The following KDM6B variants were observed in gnomAD, a reference collection of about 807,000 sequenced individuals.
KDM6B encodes the protein lysine demethylase 6B, also known as lysine-specific demethylase 6B.
Under a neutral mutation model 150.4 loss-of-function variants are expected in KDM6B, and 22 were observed. The ratio of observed to expected loss-of-function variants is 0.15; its 90% confidence interval spans 0.10 to 0.21. KDM6B has a LOEUF of 0.21. Among genes scored for constraint, KDM6B ranks in the 10% least tolerant of loss-of-function variants. KDM6B has a pLI of 1.00. For missense variants in KDM6B, 1,984 were observed against 2,234.3 expected (o/e 0.89, Z 2.26); for synonymous variants, 1,148 against 921.1 (o/e 1.25, Z -4.46).
At chr17:7,835,324 G>A (rs1233338204) in intron 1 of KDM6B, among the ~76,000 whole-genome samples, 1 of 152,134 alleles carries the variant, frequency 6.6e-6, no homozygotes, top group Non-Finnish European at 1.5e-5. Flanking sequence ...GTGGGGGTTA[G>A]AGACAGCGGA....
rs1276386822 is a variant in KDM6B at position 7,849,442 on chromosome 17, C to T, written c.3154C>T (p.Pro1052Ser). The T allele has an allele frequency of 6.2e-7, 1 of 1,612,458 alleles. No homozygotes were observed. The highest frequency in any genetic ancestry group is 8.5e-7 in the Non-Finnish European group (1 of 1,179,858). The change falls in exon 12 of 24, where the codon CCT becomes TCT. Residue 1052 changes from proline (P) to serine (S), a missense_variant. Transcript: ENST00000448097. Reference sequence around the variant, plus strand: ...GGCCAAGCCACCCACAGCTCCAGCCCCTCCATCAGCTCCTGCACCTTCTGC... The same window carrying T: ...GGCCAAGCCACCCACAGCTCCAGCCTCTCCATCAGCTCCTGCACCTTCTGC... ...SKAKPPTAPAPPSAPAPSAQP... is the reference protein window; with the variant it reads ...SKAKPPTAPASPSAPAPSAQP...
At chr17:7,851,436 C>T (rs772768167) in intron 16 of KDM6B, 42 bp downstream of exon 16, 26 of 1,614,056 alleles carry the variant, frequency 1.6e-5, no homozygotes, top group Non-Finnish European at 2.0e-5. Context: ...CTTCCTTCCC[C>T]TCCCTCTGCT....
intron 12 of KDM6B, 45 bp downstream of exon 12, chr17:7,849,773 C>T (rs758009987): frequency 7.4e-6 from 12 of 1,612,700 alleles, no homozygotes; most frequent in Non-Finnish European, 9.3e-6. Context: ...AGGCTCCCTT[C>T]CCCCATCACC....
chr17:7,837,869 G>T (rs144745906), intron 1 of KDM6B, among the ~76,000 whole-genome samples: 8 of 152,166 alleles, frequency 5.3e-5, no homozygotes, highest in South Asian at 4.1e-4. Context: ...AACCGTAGGA[G>T]TTTGTTAAGG....
rs897903549 is a variant in KDM6B, at chr17:7,841,813, G to T, written c.-269+1789G>T. On this transcript the variant is annotated intron_variant, in intron 2 of 23. Transcript: ENST00000448097. ...GGGAGGGGCCGGCAGCCGGGGGAAG[G>T]CTGGGGAAGGGAATCCCGGGCGGGC... Among the ~76,000 whole-genome samples, 4 of 152,070 alleles carry T rather than the reference G, an allele frequency of 2.6e-5. No individual in the cohort carries two copies. The South Asian group carries it at 6.2e-4, about 24-fold the overall frequency.
At position 7,846,685 on chromosome 17, in the gene KDM6B, G is replaced by A. The variant is rs1450174892; in HGVS notation, c.656G>A (p.Gly219Glu). 1.2e-6 allele frequency: 2 copies of A among 1,614,026 alleles called. No individual in the cohort carries two copies. The highest frequency in any genetic ancestry group is 4.5e-5 in the East Asian group (2 of 44,896). Residue 219 changes from glycine (G) to glutamate (E), a missense_variant, in exon 9 of 24, where the codon GGG becomes GAG. Gly to Glu is a moderately conservative substitution (Grantham distance 98). Coordinates refer to ENST00000448097, the MANE Select transcript of KDM6B (RefSeq NM_001348716.2). ...VPPAALSGPS[G>E]EEGLSPGGKR... Reference sequence around the variant, plus strand: ...CCTGCAGCACTCTCAGGCCCCTCAGGGGAGGAGGGCCTCAGCCCTGGAGGC... The same window carrying A: ...CCTGCAGCACTCTCAGGCCCCTCAGAGGAGGAGGGCCTCAGCCCTGGAGGC...
rs746231240 is a variant in KDM6B at position 7,851,242 on chromosome 17, G to A, written c.3879+16G>A. 1.2e-6 allele frequency: 2 copies of A among 1,613,982 alleles called. No homozygotes were observed. Among genetic ancestry groups the A allele is most frequent in the South Asian group, 1.1e-5 (1 of 91,082 alleles). On this transcript the variant is annotated intron_variant, in intron 15 of 23. Coordinates refer to ENST00000448097, the MANE Select transcript of KDM6B (RefSeq NM_001348716.2). ...GTCTCTGCAGGTGAGATGAGAACGT[G>A]GCCAGAGGCAGGTCCTGGGACGGGG...
chr17:7,836,213 C>T (rs892784842), intron 1 of KDM6B, among the ~76,000 whole-genome samples: 1 of 152,252 alleles, frequency 6.6e-6, no homozygotes, highest in Non-Finnish European at 1.5e-5. Flanking sequence ...CCCTTCTTCG[C>T]GTGAATTCCT....
At chr17:7,846,768 G>C in intron 9 of KDM6B, 28 bp downstream of exon 9, 1 of 1,613,946 alleles carries the variant, frequency 6.2e-7, no homozygotes, top group Non-Finnish European at 8.5e-7. Flanking sequence ...CCAGCAGGCA[G>C]TAAGTAGGCA....
In KDM6B at chr17:7,853,827, CGGCG is replaced by C; in HGVS notation, c.*309_*312del. ...AGACACAAGGACCAGGCTCCGGCGGCGGCGGGGGTCACATACGGGTTCCCTCACC... is the reference window on the plus strand; with the variant it reads ...AGACACAAGGACCAGGCTCCGGCGGCGGGGTCACATACGGGTTCCCTCACC... On this transcript the variant is annotated 3_prime_UTR_variant, in exon 24 of 24. Transcript: ENST00000448097. The C allele has an allele frequency of 4.5e-6, 1 of 223,998 alleles. No individual in the cohort carries two copies. The highest frequency in any genetic ancestry group is 8.7e-6 in the Non-Finnish European group (1 of 115,414). The allele number at this position is 223,998 out of a possible 1,614,324, so 13.9% of individuals were successfully genotyped here.
Position 7,844,991 on chromosome 17 carries a change from G to GAGTTAGA in KDM6B, c.-178_-177insAGTTAGA. 1 of 183,582 alleles carries GAGTTAGA rather than the reference G, an allele frequency of 5.4e-6. No individual in the cohort carries two copies. Among genetic ancestry groups the GAGTTAGA allele is most frequent in the South Asian group, 9.3e-5 (1 of 10,806 alleles). 11.4% of individuals were successfully genotyped at this position (183,582 alleles called of 1,614,324 possible). ...GGCCAGATCTCTGGAGCTTGCCGAC[G>GAGTTAGA]CGGTGTGAGGACGCTCCCACGGAGG... On this transcript the variant is annotated 5_prime_UTR_variant, in exon 3 of 24. Transcript: ENST00000448097. The surrounding 1 kb of genome is among the most constrained non-coding windows in gnomAD (Gnocchi z 5.9).
At position 7,847,463 on chromosome 17, in the gene KDM6B, A is replaced by G. The variant is rs1185969111; in HGVS notation, c.1257+11A>G. ...CCGAACCCAGGCATTGTGAGTGACA[A>G]CTGAGGGTGGAGGGGGGGATGGGTG... On this transcript the variant is annotated intron_variant, in intron 11 of 23. Coordinates refer to ENST00000448097, the MANE Select transcript of KDM6B (RefSeq NM_001348716.2). The G allele has an allele frequency of 5.6e-6, 9 of 1,613,492 alleles. No individual in the cohort carries two copies. The African/African-American group carries it at 1.1e-4, about 19-fold the overall frequency.
rs772742635 is a variant in KDM6B, at chr17:7,848,294, G to A, written c.2006G>A (p.Arg669Gln). 8.7e-6 allele frequency: 14 copies of A among 1,611,414 alleles called. No homozygotes were observed. The highest frequency in any genetic ancestry group is 3.3e-5 in the Admixed American group (2 of 59,898). Residue 669 changes from arginine (R) to glutamine (Q), a missense_variant, in exon 12 of 24, where the codon CGA becomes CAA. Around this residue, in one of 13 missense-constraint regions of KDM6B, gnomAD observed 1,379 missense variants for 1,275.6 expected, o/e 1.08. Transcript: ENST00000448097. ...GVGELPARGP[R>Q]LFDFPPTPLE... ...GGGGAGCTGCCTGCCCGAGGCCCTC[G>A]ACTCTTTGATTTTCCCCCCACTCCG...
In KDM6B at chr17:7,853,552, C is replaced by G. The variant is rs967506082; in HGVS notation, c.*31C>G. 7.1e-7 allele frequency: 1 copy of G among 1,407,858 alleles called. No homozygotes were observed. Among genetic ancestry groups the G allele is most frequent in the Non-Finnish European group, 9.2e-7 (1 of 1,081,372 alleles). 87.2% of individuals were successfully genotyped at this position (1,407,858 alleles called of 1,614,324 possible). A position where few individuals can be genotyped will look rare whatever the true frequency, so the allele number is the denominator to read the frequency against. On this transcript the variant is annotated 3_prime_UTR_variant, in exon 24 of 24. Transcript: ENST00000448097. Reference sequence around the variant, plus strand: ...GACGCCCCGCCCGCCTGCCTGCCCGCGCAAGGCGCCGCGGGGCCACCAGCA... The same window carrying G: ...GACGCCCCGCCCGCCTGCCTGCCCGGGCAAGGCGCCGCGGGGCCACCAGCA...
Position 7,847,036 on chromosome 17 carries a change from C to CT in KDM6B, c.909+23dup, listed in dbSNP as rs1253439019. ...CGCCAGGTGAGCCCCTGCCTGTTGCCTTTCACCTCTCACCTACAAGTCCCA... is the reference window on the plus strand; with the variant it reads ...CGCCAGGTGAGCCCCTGCCTGTTGCCTTTTCACCTCTCACCTACAAGTCCCA... On this transcript the variant is annotated intron_variant, in intron 10 of 23. Coordinates refer to ENST00000448097, the MANE Select transcript of KDM6B (RefSeq NM_001348716.2). The CT allele has an allele frequency of 6.2e-7, 1 of 1,612,108 alleles. No individual in the cohort carries two copies. Among genetic ancestry groups the CT allele is most frequent in the Non-Finnish European group, 8.5e-7 (1 of 1,178,518 alleles).
At chr17:7,850,471 TCA>T (rs2078669128) in intron 14 of KDM6B, among the ~76,000 whole-genome samples, 3 of 152,344 alleles carry the variant, frequency 2.0e-5, no homozygotes, top group Middle Eastern at 6.8e-3. Context: ...GGGCTCTCTC[TCA>T]GTCTTTTATT....
chr17:7,847,818 A>T lies in KDM6B; in HGVS notation c.1530A>T (p.Gly510=). 3 of 1,416,364 alleles carry T rather than the reference A, an allele frequency of 2.1e-6. No individual in the cohort carries two copies. Among genetic ancestry groups the T allele is most frequent in the Non-Finnish European group, 2.8e-6 (3 of 1,060,930 alleles). 87.7% of individuals were successfully genotyped at this position (1,416,364 alleles called of 1,614,324 possible). ...AAGAGCTCTTCTTTGGGACTGAGGG[A>T]CCCCCCCGCCCTGCCCCACCACCCC... The part of the protein sequence containing the change: ...ILEELFFGTE[G]PPRPAPPPLP... The change falls in exon 12 of 24, where the codon GGA becomes GGT. Residue 510 remains glycine (G), a synonymous_variant. Coordinates refer to ENST00000448097, the MANE Select transcript of KDM6B (RefSeq NM_001348716.2).
chr17:7,852,705 C>T (rs993915034), intron 21 of KDM6B, 69 bp downstream of exon 21: 4 of 1,596,664 alleles, frequency 2.5e-6, no homozygotes, highest in East Asian at 2.2e-5. Flanking sequence ...TCCTGTCTGA[C>T]TCCACCCCAT....
Position 7,854,764 on chromosome 17 carries a change from ATATT to A in KDM6B, c.*1244_*1247del, listed in dbSNP as rs1295150759. ...TATTTTCGGTGATTTTTGTGTGAGA[ATATT>A]AATATTAAAAATAAACGGAGAAAAA... On this transcript the variant is annotated 3_prime_UTR_variant, in exon 24 of 24. Transcript: ENST00000448097. 6.3e-6 allele frequency: 2 copies of A among 317,198 alleles called. No homozygotes were observed. The highest frequency in any genetic ancestry group is 2.1e-5 in the African/African-American group (1 of 46,576). The allele number at this position is 317,198 out of a possible 1,614,324, so 19.6% of individuals were successfully genotyped here. A position where few individuals can be genotyped will look rare whatever the true frequency, so the allele number is the denominator to read the frequency against.
Sources: allele counts gnomAD v4.1 joint callset (sites outside exome capture counted in the v4.1 genomes callset), GRCh38; gene constraint gnomAD v4.1.1; regional missense constraint gnomAD v4.1.1; non-coding constraint Gnocchi (gnomAD v3.1); transcripts MANE v1.5; gene names NCBI Gene and HGNC (gene_info 2026-07-23, HGNC 2026-07-21).